Variants in CFAP97 observed in about 807,000 individuals in gnomAD.
CFAP97 encodes the protein cilia- and flagella-associated protein 97.
In CFAP97, 36 loss-of-function variants were observed where a neutral mutation model predicts 43.1. The observed-to-expected ratio is 0.84, with a 90% CI of 0.64 to 1.10. CFAP97 has a LOEUF of 1.10. Ranked by LOEUF, CFAP97 falls within the 50% of genes least tolerant of loss-of-function variation. The pLI is 0.00. For missense variants in CFAP97, 657 were observed against 620.3 expected (o/e 1.06, Z -0.63); for synonymous variants, 228 against 225.7 (o/e 1.01, Z -0.09).
chr4:185,170,570 C>T (rs745477353), intron 3 of CFAP97, among the ~76,000 whole-genome samples: 1 of 151,714 alleles, frequency 6.6e-6, no homozygotes, highest in Non-Finnish European at 1.5e-5. Context: ...CCCACTACCA[C>T]ACCTGGCTAA....
chr4:185,167,134 T>C (rs1417435930), intron 3 of CFAP97, among the ~76,000 whole-genome samples: 1 of 152,106 alleles, frequency 6.6e-6, no homozygotes, highest in East Asian at 1.9e-4. Context: ...TGCATTTTAA[T>C]TTAGTCATCA....
Position 185,160,324 on chromosome 4 carries a change from A to T in CFAP97, c.*2474T>A, listed in dbSNP as rs1026734373. The T allele has an allele frequency of 6.6e-6, 1 of 152,194 alleles. No homozygotes were observed. The highest frequency in any genetic ancestry group is 1.5e-5 in the Non-Finnish European group (1 of 68,028). The allele number at this position is 152,194 out of a possible 1,614,324, so 9.4% of individuals were successfully genotyped here. A position where few individuals can be genotyped will look rare whatever the true frequency, so the allele number is the denominator to read the frequency against. On this transcript the variant is annotated 3_prime_UTR_variant, in exon 5 of 5. Transcript: ENST00000458385. ...CAGACCTCGGATTAGCATACTTTCT[A>T]GTTATAGATGTAAATCTTCAAAGTA...
chr4:185,185,672 T>C (rs940081776), intron 2 of CFAP97, among the ~76,000 whole-genome samples: 5 of 143,728 alleles, frequency 3.5e-5, no homozygotes, highest in African/African-American at 1.3e-4. Flanking sequence ...GGTCTTACTC[T>C]GTCTCCTAGG....
At chr4:185,208,923 A>G (rs1243714986), upstream of CFAP97, among the ~76,000 whole-genome samples, 1 of 152,096 alleles carries the variant, frequency 6.6e-6, no homozygotes, top group Non-Finnish European at 1.5e-5. Flanking sequence ...GCAAATATAT[A>G]CTCTAAAAAT....
At chr4:185,175,663 T>C in intron 3 of CFAP97, 123 bp downstream of exon 3, 1 of 838,810 alleles carries the variant, frequency 1.2e-6, no homozygotes, top group Non-Finnish European at 1.9e-6. Flanking sequence ...ATACCACACA[T>C]ACCGCACCTG....
intron 2 of CFAP97, among the ~76,000 whole-genome samples, chr4:185,189,578 A>T (rs921967998): frequency 6.6e-6 from 1 of 152,242 alleles, no homozygotes; most frequent in Non-Finnish European, 1.5e-5. Context: ...CAAAGCAAAA[A>T]GACTACTCTA....
chr4:185,191,072 T>C lies in CFAP97; in HGVS notation c.125A>G (p.Glu42Gly), dbSNP rs1736231710. ...VFDKQNDDPK[E>G]RIDKDTKNVN... is the part of the protein sequence containing the mutation. ...ATTTTTTGTATCTTTATCTATTCTTTCCTTTGGGTCATCATTTTGCTTGTC... is the reference window on the plus strand; with the variant it reads ...ATTTTTTGTATCTTTATCTATTCTTCCCTTTGGGTCATCATTTTGCTTGTC... The change falls in exon 2 of 5, where the codon GAA (glutamate) becomes GGA (glycine). Residue 42 changes from glutamate to glycine, a missense_variant. By Grantham distance (98) the Glu-to-Gly change is moderately conservative. Transcript: ENST00000458385. 1 of 1,613,216 alleles carries C rather than the reference T, an allele frequency of 6.2e-7. No homozygotes were observed. The highest frequency in any genetic ancestry group is 1.3e-5 in the African/African-American group (1 of 74,920).
upstream of CFAP97, chr4:185,210,093 C>T (rs939203889): frequency 2.0e-6 from 2 of 983,412 alleles, no homozygotes; most frequent in Non-Finnish European, 2.4e-6. The surrounding 1 kb of genome is among the most constrained non-coding windows in gnomAD (Gnocchi z 4.4). Flanking sequence ...GGCTGAGCTC[C>T]GTCCTGTTCA....
At chr4:185,190,093 C>T (rs1375679733) in intron 2 of CFAP97, 50 bp downstream of exon 2, 1 of 1,357,640 alleles carries the variant, frequency 7.4e-7, no homozygotes, top group East Asian at 2.3e-5. Context: ...AATATTTATG[C>T]CCAATATATA....
At chr4:185,187,101 A>G (rs1276017357) in intron 2 of CFAP97, among the ~76,000 whole-genome samples, 3 of 152,238 alleles carry the variant, frequency 2.0e-5, no homozygotes, top group Non-Finnish European at 1.5e-5. Context: ...TGGCTTGATT[A>G]AAAATTGGAG....
At chr4:185,206,255 GT>G (rs1252208657), upstream of CFAP97, among the ~76,000 whole-genome samples, 1 of 152,188 alleles carries the variant, frequency 6.6e-6, no homozygotes, top group African/African-American at 2.4e-5. Flanking sequence ...TCAAGTGTTT[GT>G]TTATCAACAG....
At chr4:185,177,291 T>C (rs952451364) in intron 2 of CFAP97, among the ~76,000 whole-genome samples, 3 of 151,942 alleles carry the variant, frequency 2.0e-5, no homozygotes, top group Admixed American at 2.0e-4. Context: ...TGTGCACCTG[T>C]AATCTCGGCT....
At chr4:185,169,852 T>G (rs1276757573) in intron 3 of CFAP97, 1 of 985,516 alleles carries the variant, frequency 1.0e-6, no homozygotes, top group Admixed American at 6.2e-5. Context: ...GCTTGCTTTC[T>G]TCAACGGAAG....
At chr4:185,182,817 G>T (rs575228867) in intron 2 of CFAP97, among the ~76,000 whole-genome samples, 2 of 151,980 alleles carry the variant, frequency 1.3e-5, no homozygotes, top group South Asian at 4.2e-4. Flanking sequence ...AACAACAAAC[G>T]GGCTGGGCGT....
At chr4:185,172,699 AAC>A (rs1735348101) in intron 3 of CFAP97, among the ~76,000 whole-genome samples, 1 of 152,136 alleles carries the variant, frequency 6.6e-6, no homozygotes, top group Non-Finnish European at 1.5e-5. Context: ...TTTGAATATT[AAC>A]AGTCTAGCAA....
chr4:185,185,912 T>C (rs1303383114), intron 2 of CFAP97, among the ~76,000 whole-genome samples: 5 of 152,138 alleles, frequency 3.3e-5, no homozygotes, highest in Non-Finnish European at 7.4e-5. Context: ...AGTGCTGGGA[T>C]GACAGGCGTA....
upstream of CFAP97, chr4:185,204,490 G>A (rs1472155920): frequency 6.6e-6 from 1 of 152,188 alleles, no homozygotes; most frequent in Non-Finnish European, 1.5e-5. Context: ...AACAATCTAA[G>A]GTAAAAATGA....
At chr4:185,179,472 T>C (rs997330565) in intron 2 of CFAP97, among the ~76,000 whole-genome samples, 5 of 152,156 alleles carry the variant, frequency 3.3e-5, no homozygotes, top group African/African-American at 1.2e-4. Context: ...GGCTAGGTCA[T>C]AAAAGGCAAT....
At chr4:185,199,645 G>A (rs1271024991) in intron 1 of CFAP97, among the ~76,000 whole-genome samples, 1 of 152,152 alleles carries the variant, frequency 6.6e-6, no homozygotes, top group African/African-American at 2.4e-5. Flanking sequence ...ATTTCAGCCT[G>A]GGTGAGGCAG....
Sources: allele counts gnomAD v4.1 joint callset (sites outside exome capture counted in the v4.1 genomes callset), GRCh38; gene constraint gnomAD v4.1.1; non-coding constraint Gnocchi (gnomAD v3.1); transcripts MANE v1.5; gene names NCBI Gene and HGNC (gene_info 2026-07-23, HGNC 2026-07-21).